LPAR5: variants seen among roughly 807,000 people sequenced by gnomAD.
LPAR5 encodes lysophosphatidic acid receptor 5.
For missense variants in LPAR5, 544 were observed against 521.8 expected (o/e 1.04, Z -0.41); for synonymous variants, 271 against 261.6 (o/e 1.04, Z -0.35).
intron 1 of LPAR5, among the ~76,000 whole-genome samples, chr12:6,627,069 CATT>C (rs1948946508): frequency 6.6e-6 from 1 of 152,188 alleles, no homozygotes; most frequent in African/African-American, 2.4e-5. Context: ...AACATAGATA[CATT>C]ATTTCACTTC....
At chr12:6,624,365 T>C (rs894006644) in intron 1 of LPAR5, among the ~76,000 whole-genome samples, 9 of 152,258 alleles carry the variant, frequency 5.9e-5, no homozygotes, top group Non-Finnish European at 1.0e-4. Context: ...CCGTCACCAC[T>C]CTCTGTTTCC....
intron 1 of LPAR5, among the ~76,000 whole-genome samples, chr12:6,622,150 G>A (rs1471340821): frequency 1.3e-5 from 2 of 149,000 alleles, no homozygotes; most frequent in Non-Finnish European, 3.0e-5. Context: ...ATAGCCAGGC[G>A]CGGTGGCTCA....
intron 1 of LPAR5, among the ~76,000 whole-genome samples, chr12:6,634,340 G>C (rs1206203219): frequency 1.3e-5 from 2 of 151,944 alleles, no homozygotes; most frequent in Non-Finnish European, 2.9e-5. Flanking sequence ...CAGAGGCCGA[G>C]TGTGTGACTC....
At position 6,619,771 on chromosome 12, in the gene LPAR5, G is replaced by A. The variant is rs1347568292; in HGVS notation, c.*359C>T. ...TCTTCAGCTCTCAGGCCCCTGTGGC[G>A]GTTTAGATCCAGAATGCCCATTTTC... is the stretch of plus-strand genomic sequence containing the variant. On this transcript the variant is annotated 3_prime_UTR_variant, in exon 2 of 2. Coordinates refer to ENST00000329858, the MANE Select transcript of LPAR5 (RefSeq NM_020400.6). 1.3e-5 allele frequency: 5 copies of A among 398,534 alleles called. No homozygotes were observed. Among genetic ancestry groups the A allele is most frequent in the African/African-American group, 2.1e-5 (1 of 48,494 alleles). 24.7% of individuals were successfully genotyped at this position (398,534 alleles called of 1,614,324 possible).
At chr12:6,625,239 C>T (rs1361461622) in intron 1 of LPAR5, among the ~76,000 whole-genome samples, 1 of 151,454 alleles carries the variant, frequency 6.6e-6, no homozygotes, top group Non-Finnish European at 1.5e-5. Flanking sequence ...TCCTGGCTAA[C>T]ACGGTGAAAT....
rs770959420 is a variant in LPAR5, at chr12:6,620,919, G to A, written c.330C>T (p.Ile110=). The A allele has an allele frequency of 2.7e-5, 44 of 1,602,578 alleles. No homozygotes were observed. Among genetic ancestry groups the A allele is most frequent in the Non-Finnish European group, 3.4e-5 (40 of 1,175,056 alleles). The change falls in exon 2 of 2, where the codon ATC becomes ATT. Residue 110 remains isoleucine, a synonymous_variant. Transcript: ENST00000329858. The surrounding 1 kb of genome is among the most constrained non-coding windows in gnomAD (Gnocchi z 6.8). ...GGTCCACGTTGATGAGCATCAGGAA[G>A]ATGCAGCTGCCGTACATGTTCATCT... The part of the protein sequence containing the change: ...IFQMNMYGSC[I]FLMLINVDRY...
At chr12:6,631,221 C>A (rs1320887876) in intron 1 of LPAR5, among the ~76,000 whole-genome samples, 1 of 152,198 alleles carries the variant, frequency 6.6e-6, no homozygotes, top group Non-Finnish European at 1.5e-5. Flanking sequence ...CACATATACA[C>A]ACACGCTAAG....
chr12:6,620,895 G>A lies in LPAR5; in HGVS notation c.354C>T (p.Asp118=). ...SCIFLMLINV[D]RYAAIVHPLR... ...GCGGGTGCACGATGGCGGCGTAGCG[G>A]TCCACGTTGATGAGCATCAGGAAGA... Residue 118 remains aspartate, a synonymous_variant, in exon 2 of 2, where the codon GAC becomes GAT. Coordinates refer to ENST00000329858, the MANE Select transcript of LPAR5 (RefSeq NM_020400.6). This position sits in a 1 kb window ranked among gnomAD's most constrained non-coding sequence, Gnocchi z 6.8. 1 of 1,586,248 alleles carries A rather than the reference G, an allele frequency of 6.3e-7. No homozygotes were observed. The highest frequency in any genetic ancestry group is 8.6e-7 in the Non-Finnish European group (1 of 1,166,846).
In LPAR5 at chr12:6,620,894, G is replaced by T. The variant is rs752803910; in HGVS notation, c.355C>A (p.Arg119Ser). 1 of 1,585,012 alleles carries T rather than the reference G, an allele frequency of 6.3e-7. No homozygotes were observed. ...AGCGGGTGCACGATGGCGGCGTAGCGGTCCACGTTGATGAGCATCAGGAAG... is the reference window on the plus strand; with the variant it reads ...AGCGGGTGCACGATGGCGGCGTAGCTGTCCACGTTGATGAGCATCAGGAAG... ...CIFLMLINVD[R>S]YAAIVHPLRL... The change falls in exon 2 of 2, where the codon CGC becomes AGC. Residue 119 changes from arginine to serine, a missense_variant. Physicochemically the swap from Arg to Ser is moderately radical, Grantham distance 110 (BLOSUM62 -1). Coordinates refer to ENST00000329858, the MANE Select transcript of LPAR5 (RefSeq NM_020400.6). The surrounding 1 kb of genome is among the most constrained non-coding windows in gnomAD (Gnocchi z 6.8).
intron 1 of LPAR5, among the ~76,000 whole-genome samples, chr12:6,627,452 G>A (rs1025885437): frequency 4.6e-5 from 7 of 151,858 alleles, no homozygotes; most frequent in Non-Finnish European, 8.8e-5. Context: ...TTAGCCGGGC[G>A]AGGTGGCAGG....
chr12:6,625,803 T>C (rs999537989), intron 1 of LPAR5, among the ~76,000 whole-genome samples: 2 of 152,156 alleles, frequency 1.3e-5, no homozygotes, highest in African/African-American at 2.4e-5. Flanking sequence ...GTTTGTTTTT[T>C]GTTTTTTGTT....
intron 1 of LPAR5, among the ~76,000 whole-genome samples, chr12:6,626,852 G>A (rs763355088): frequency 6.6e-6 from 1 of 152,196 alleles, no homozygotes; most frequent in African/African-American, 2.4e-5. Flanking sequence ...GCAACAGTGC[G>A]CAGGTTTATC....
intron 1 of LPAR5, among the ~76,000 whole-genome samples, chr12:6,629,566 C>G (rs538177919): frequency 6.7e-6 from 1 of 149,860 alleles, no homozygotes; most frequent in African/African-American, 2.5e-5. Context: ...CCCAGCTACT[C>G]GGGAGGCTGA....
chr12:6,623,235 C>G (rs935677637), intron 1 of LPAR5, among the ~76,000 whole-genome samples: 3 of 148,516 alleles, frequency 2.0e-5, no homozygotes, highest in Admixed American at 2.0e-4. Flanking sequence ...GAGACTCCAT[C>G]TCAAAAAAAA....
intron 1 of LPAR5, among the ~76,000 whole-genome samples, chr12:6,630,092 C>G (rs539297512): frequency 1.3e-5 from 2 of 151,942 alleles, no homozygotes; most frequent in African/African-American, 2.4e-5. Context: ...TGGCGATGCT[C>G]TCTTGTTACT....
At position 6,619,354 on chromosome 12, in the gene LPAR5, AGAGAGAG is replaced by A. The variant is rs1184917789; in HGVS notation, c.*769_*775del. ...AGAGGGAGAGAGAGAGAAGAGGAGAAGAGAGAGGAGAGGAGAGGAGAGAGAAGAGAGA... is the reference window on the plus strand; with the variant it reads ...AGAGGGAGAGAGAGAGAAGAGGAGAAGAGAGGAGAGGAGAGAGAAGAGAGA... On this transcript the variant is annotated 3_prime_UTR_variant, in exon 2 of 2. Coordinates refer to ENST00000329858, the MANE Select transcript of LPAR5 (RefSeq NM_020400.6). The A allele has an allele frequency of 8.3e-5, 6 of 72,448 alleles. No individual in the cohort carries two copies. The East Asian group carries it at 2.2e-3, about 27-fold the overall frequency. The allele number at this position is 72,448 out of a possible 1,614,324, so 4.5% of individuals were successfully genotyped here. A position where few individuals can be genotyped will look rare whatever the true frequency, so the allele number is the denominator to read the frequency against.
In LPAR5 at chr12:6,621,232, G is replaced by C. The variant is rs776657231; in HGVS notation, c.17C>G (p.Ser6Cys). 1.3e-6 allele frequency: 2 copies of C among 1,511,028 alleles called. No individual in the cohort carries two copies. The highest frequency in any genetic ancestry group is 4.6e-5 in the East Asian group (2 of 43,182). The allele number at this position is 1,511,028 out of a possible 1,614,324, so 93.6% of individuals were successfully genotyped here. MLANSSSTNSSVLPCP... is the reference protein window; with the variant it reads MLANSCSTNSSVLPCP... The stretch of plus-strand genomic sequence containing the variant: ...CGGGAGAACAGAACTGTTGGTTGAG[G>C]AGCTGTTGGCTAACATCGTGCCAAA... Residue 6 changes from serine (S) to cysteine (C), a missense_variant, in exon 2 of 2, where the codon TCC becomes TGC. Coordinates refer to ENST00000329858, the MANE Select transcript of LPAR5 (RefSeq NM_020400.6).
intron 1 of LPAR5, among the ~76,000 whole-genome samples, chr12:6,632,420 T>G (rs372271834): frequency 6.6e-6 from 1 of 152,206 alleles, no homozygotes; most frequent in East Asian, 1.9e-4. Flanking sequence ...TAGAGTCTCG[T>G]GGCCCATCAG....
chr12:6,628,760 G>A (rs1048229639), intron 1 of LPAR5, among the ~76,000 whole-genome samples: 21 of 150,850 alleles, frequency 1.4e-4, no homozygotes, highest in Non-Finnish European at 1.9e-4. Context: ...AGCCTCCTTA[G>A]TAGCTGGGAT....
Sources: gnomAD v4.1 joint callset for allele counts (sites outside exome capture counted in the v4.1 genomes callset) on GRCh38, gnomAD v4.1.1 for gene constraint, Gnocchi (gnomAD v3.1) non-coding constraint, MANE v1.5 for transcripts, NCBI Gene and HGNC (gene_info 2026-07-23, HGNC 2026-07-21) for gene names.